Variants in FSHR observed in about 807,000 individuals in gnomAD.
FSHR encodes the protein follicle stimulating hormone receptor.
A neutral mutation model predicts 52.1 loss-of-function variants in FSHR; 46 were observed. That is an observed-to-expected ratio of 0.88 (90% CI 0.70 to 1.13). FSHR has a LOEUF of 1.13. Among genes scored for constraint, FSHR ranks in the 50% most tolerant of loss-of-function variants. The probability of loss-of-function intolerance (pLI) is 0.00; values close to 1 mark genes in which losing one functional copy is unlikely to be tolerated. For missense variants in FSHR, 964 were observed against 834.6 expected (o/e 1.16, Z -1.91); for synonymous variants, 399 against 309.6 (o/e 1.29, Z -3.03).
chr2:49,021,886 T>TATATATATATATATATATAG (rs1273265515), intron 2 of FSHR, among the ~76,000 whole-genome samples: 1 of 25,120 alleles, frequency 4.0e-5, no homozygotes, highest in Non-Finnish European at 7.3e-5. Context: ...TATATATATA[T>TATATATATATATATATATAG]AGAGAGAGAG....
chr2:49,065,564 A>T (rs1002373121), intron 2 of FSHR, among the ~76,000 whole-genome samples: 1 of 152,104 alleles, frequency 6.6e-6, no homozygotes, highest in Non-Finnish European at 1.5e-5. Flanking sequence ...TTAAAAATAA[A>T]GATAAGCTAG....
intron 1 of FSHR, among the ~76,000 whole-genome samples, chr2:49,148,499 A>C (rs1225663751): frequency 1.3e-5 from 2 of 152,060 alleles, no homozygotes; most frequent in Non-Finnish European, 2.9e-5. Flanking sequence ...CCTGTAATTG[A>C]GCGTCCAGAA....
intron 8 of FSHR, among the ~76,000 whole-genome samples, chr2:48,973,025 G>A (rs1282652364): frequency 6.6e-6 from 1 of 152,236 alleles, no homozygotes; most frequent in Non-Finnish European, 1.5e-5. Flanking sequence ...CCTTGAATCT[G>A]GGCAGAACTG....
At chr2:49,132,309 G>C (rs888554899) in intron 1 of FSHR, among the ~76,000 whole-genome samples, 1 of 152,140 alleles carries the variant, frequency 6.6e-6, no homozygotes, top group Non-Finnish European at 1.5e-5. Context: ...CAATGTTCAG[G>C]ACTGTAAATA....
At chr2:48,987,501 C>T (rs1443609219) in intron 6 of FSHR, among the ~76,000 whole-genome samples, 4 of 152,192 alleles carry the variant, frequency 2.6e-5, no homozygotes, top group Admixed American at 6.5e-5. Flanking sequence ...TGAGCCACCA[C>T]GCCCACCTGA....
intron 1 of FSHR, among the ~76,000 whole-genome samples, chr2:49,090,744 G>T (rs1670575139): frequency 6.6e-6 from 1 of 152,176 alleles, no homozygotes; most frequent in Non-Finnish European, 1.5e-5. Flanking sequence ...ATTTATGAGA[G>T]TTCCAGGTGC....
chr2:49,025,491 T>C (rs764400110), intron 2 of FSHR, among the ~76,000 whole-genome samples: 1 of 152,200 alleles, frequency 6.6e-6, no homozygotes, highest in East Asian at 1.9e-4. Context: ...ATGTGACATA[T>C]GTTGTATACC....
chr2:49,034,112 C>G (rs547788426), intron 2 of FSHR, among the ~76,000 whole-genome samples: 7 of 152,312 alleles, frequency 4.6e-5, no homozygotes, highest in African/African-American at 1.7e-4. Flanking sequence ...GACCCAGAGT[C>G]TGGAGGGCTC....
At chr2:48,972,137 G>A (rs555120201) in intron 8 of FSHR, among the ~76,000 whole-genome samples, 2 of 152,248 alleles carry the variant, frequency 1.3e-5, no homozygotes, top group East Asian at 1.9e-4. Flanking sequence ...TGGCCTTCCT[G>A]ATATTTTCTG....
intron 2 of FSHR, among the ~76,000 whole-genome samples, chr2:49,020,958 G>A (rs950963875): frequency 6.6e-6 from 1 of 152,092 alleles, no homozygotes; most frequent in Non-Finnish European, 1.5e-5. Flanking sequence ...TTGAGGGAGG[G>A]AGAGCATTAG....
chr2:48,979,131 T>C (rs1332138342), intron 8 of FSHR, among the ~76,000 whole-genome samples: 1 of 151,360 alleles, frequency 6.6e-6, no homozygotes, highest in African/African-American at 2.5e-5. Flanking sequence ...GCCTCAACCC[T>C]GACCTACTGA....
chr2:49,033,153 T>G (rs1668158731), intron 2 of FSHR, among the ~76,000 whole-genome samples: 1 of 152,196 alleles, frequency 6.6e-6, no homozygotes, highest in African/African-American at 2.4e-5. Context: ...AGACTGCAAT[T>G]GCTGACAATC....
intron 1 of FSHR, among the ~76,000 whole-genome samples, chr2:49,081,657 TA>T (rs919369074): frequency 5.8e-4 from 89 of 152,212 alleles, no homozygotes; most frequent in Admixed American, 9.8e-4. Context: ...ACTATGACAC[TA>T]AAAAAAATTT....
chr2:49,110,056 T>C (rs1411535797), intron 1 of FSHR, among the ~76,000 whole-genome samples: 22 of 152,104 alleles, frequency 1.4e-4, no homozygotes, highest in Admixed American at 1.4e-3. Flanking sequence ...GGTTTGCATG[T>C]TGATATTTTG....
At chr2:49,010,151 A>G (rs1667217253) in intron 4 of FSHR, among the ~76,000 whole-genome samples, 1 of 78,772 alleles carries the variant, frequency 1.3e-5, no homozygotes, top group African/African-American at 3.3e-5. Context: ...TCAGTATGAT[A>G]TTGGCTGTGG....
At chr2:48,974,645 T>C (rs1350287861) in intron 8 of FSHR, among the ~76,000 whole-genome samples, 1 of 152,234 alleles carries the variant, frequency 6.6e-6, no homozygotes, top group African/African-American at 2.4e-5. Context: ...GCTTACTGTC[T>C]GAAGTGATCA....
intron 2 of FSHR, among the ~76,000 whole-genome samples, chr2:49,055,953 C>T (rs1483028044): frequency 6.6e-6 from 1 of 151,974 alleles, no homozygotes; most frequent in Non-Finnish European, 1.5e-5. Context: ...AACATCATGA[C>T]AACATGCAAA....
At chr2:49,094,400 A>T (rs1445212281) in intron 1 of FSHR, among the ~76,000 whole-genome samples, 2 of 152,164 alleles carry the variant, frequency 1.3e-5, no homozygotes, top group African/African-American at 2.4e-5. Context: ...CTTTACGCAG[A>T]TATTGTAGAC....
At chr2:49,003,294 G>A (rs1666969310) in intron 4 of FSHR, among the ~76,000 whole-genome samples, 1 of 152,212 alleles carries the variant, frequency 6.6e-6, no homozygotes, top group Non-Finnish European at 1.5e-5. Context: ...CTCATGAAGG[G>A]CCACTGTGTG....
Sources: allele counts gnomAD v4.1 joint callset (sites outside exome capture counted in the v4.1 genomes callset), GRCh38; gene constraint gnomAD v4.1.1; transcripts MANE v1.5; gene names NCBI Gene and HGNC (gene_info 2026-07-23, HGNC 2026-07-21).